The following HDAC4 variants were observed in gnomAD, a reference collection of about 807,000 sequenced individuals.
HDAC4 encodes the protein histone deacetylase A.
Under a neutral mutation model 135.1 loss-of-function variants are expected in HDAC4, and 16 were observed. The observed-to-expected ratio is 0.12, with a 90% CI of 0.08 to 0.18. The LOEUF (loss-of-function observed/expected upper bound fraction) is 0.18. Ranked by LOEUF, HDAC4 falls within the 10% of genes least tolerant of loss-of-function variation. The pLI is 1.00. For missense variants in HDAC4, 1,143 were observed against 1,511.8 expected (o/e 0.76, Z 4.05); for synonymous variants, 685 against 653.4 (o/e 1.05, Z -0.74).
At chr2:239,319,608 G>A (rs1401378392) in intron 2 of HDAC4, among the ~76,000 whole-genome samples, 1 of 152,194 alleles carries the variant, frequency 6.6e-6, no homozygotes, top group Admixed American at 6.5e-5. Flanking sequence ...AAAGACCCAA[G>A]TTTGCGTGTG....
At chr2:239,364,209 T>C (rs1694028105) in intron 1 of HDAC4, among the ~76,000 whole-genome samples, 1 of 152,164 alleles carries the variant, frequency 6.6e-6, no homozygotes. Flanking sequence ...CCGAGGCATC[T>C]ACCCAACAGA....
chr2:239,354,234 G>A (rs913450656), intron 1 of HDAC4, among the ~76,000 whole-genome samples: 3 of 152,136 alleles, frequency 2.0e-5, no homozygotes, highest in Non-Finnish European at 4.4e-5. Context: ...TACCTGGTAA[G>A]CTTCGTTTTG....
intron 2 of HDAC4, among the ~76,000 whole-genome samples, chr2:239,322,037 C>T (rs1451051871): frequency 6.6e-6 from 1 of 152,254 alleles, no homozygotes; most frequent in Non-Finnish European, 1.5e-5. Flanking sequence ...CTGCTCAAGA[C>T]TCCCACTTGC....
intron 3 of HDAC4, among the ~76,000 whole-genome samples, chr2:239,216,262 C>T (rs11124188): frequency 0.28 from 41,820 of 151,608 alleles, 5,907 homozygotes; most frequent in East Asian, 0.31. Flanking sequence ...AGTATTTATG[C>T]GGAAGATTCC....
intron 23 of HDAC4, 193 bp from the exon 24 acceptor site, chr2:239,067,048 A>T (rs1046560201): frequency 4.5e-6 from 3 of 671,330 alleles, no homozygotes; most frequent in Non-Finnish European, 7.9e-6. Flanking sequence ...GTTTGAGAGG[A>T]GGAATTATGG....
intron 22 of HDAC4, among the ~76,000 whole-genome samples, chr2:239,071,756 G>A (rs1366064744): frequency 6.6e-6 from 1 of 152,148 alleles, no homozygotes; most frequent in African/African-American, 2.4e-5. Context: ...CGAAAGCTCT[G>A]CTCCTGTCGG....
At chr2:239,314,975 A>C (rs2053056172) in intron 2 of HDAC4, among the ~76,000 whole-genome samples, 1 of 152,142 alleles carries the variant, frequency 6.6e-6, no homozygotes, top group African/African-American at 2.4e-5. Flanking sequence ...CAGACTCTTT[A>C]AGTCTGATGA....
At chr2:239,385,168 G>T (rs959418255) in intron 1 of HDAC4, among the ~76,000 whole-genome samples, 3 of 152,132 alleles carry the variant, frequency 2.0e-5, no homozygotes, top group African/African-American at 7.2e-5. Context: ...TGACTGCTTT[G>T]CGTGGAGGCC....
At chr2:239,256,977 T>C (rs562283727) in intron 2 of HDAC4, among the ~76,000 whole-genome samples, 4 of 152,372 alleles carry the variant, frequency 2.6e-5, no homozygotes, top group Middle Eastern at 3.4e-3. Context: ...TATTTTCAGA[T>C]GTCCCTCAAC....
intron 2 of HDAC4, among the ~76,000 whole-genome samples, chr2:239,273,843 G>C (rs1413561394): frequency 6.6e-6 from 1 of 152,182 alleles, no homozygotes; most frequent in Non-Finnish European, 1.5e-5. Context: ...TAGAACCCAC[G>C]AACCTTACTT....
intron 22 of HDAC4, 65 bp downstream of exon 22, chr2:239,081,030 T>C (rs185690800): frequency 7.9e-7 from 1 of 1,262,452 alleles, no homozygotes; most frequent in African/African-American, 1.5e-5. Context: ...AACAAGTGCT[T>C]CCTGGAATGT....
rs1337035036 is a variant in HDAC4 at position 239,141,718 on chromosome 2, G to A, written c.866-1922C>T. On this transcript the variant is annotated intron_variant, in intron 8 of 26. Coordinates refer to ENST00000543185, the MANE Select transcript of HDAC4 (RefSeq NM_001378414.1). The surrounding 1 kb of genome is among the most constrained non-coding windows in gnomAD (Gnocchi z 4.9). ...GATCCAGCAGATCTTCCCTGTAATG[G>A]GTGCCTCCCAGCTGTGTCGTCAGAT... 6.6e-6 allele frequency among the ~76,000 whole-genome samples: 1 copy of A among 152,116 alleles called. No individual in the cohort carries two copies. The highest frequency in any genetic ancestry group is 1.5e-5 in the Non-Finnish European group (1 of 68,048).
At chr2:239,207,531 T>C (rs1559226777) in intron 3 of HDAC4, among the ~76,000 whole-genome samples, 1 of 152,148 alleles carries the variant, frequency 6.6e-6, no homozygotes, top group Non-Finnish European at 1.5e-5. Flanking sequence ...TAAAAAACAT[T>C]AGGAGTTTAA....
chr2:239,129,273 T>G (rs1284105342), intron 11 of HDAC4, among the ~76,000 whole-genome samples: 1 of 152,224 alleles, frequency 6.6e-6, no homozygotes, highest in Non-Finnish European at 1.5e-5. Context: ...CAATGCTATT[T>G]GCTGGCAGGG....
chr2:239,151,642 C>T (rs1156934648), intron 7 of HDAC4, among the ~76,000 whole-genome samples: 3 of 152,198 alleles, frequency 2.0e-5, no homozygotes, highest in African/African-American at 4.8e-5. Context: ...AATTCGGTCC[C>T]TAGGACCAGC....
intron 17 of HDAC4, chr2:239,093,950 C>A: frequency 1.0e-6 from 1 of 985,214 alleles, no homozygotes; most frequent in Non-Finnish European, 1.2e-6. Flanking sequence ...GAATAAATGC[C>A]GTTTATTCTC....
chr2:239,084,026 T>C (rs2035616295), intron 20 of HDAC4, 129 bp downstream of exon 20: 1 of 731,886 alleles, frequency 1.4e-6, no homozygotes, highest in East Asian at 2.7e-5. Context: ...CTCCGCATCT[T>C]TGAGACCGTT....
rs555696740 is a variant in HDAC4 at position 239,262,724 on chromosome 2, C to G, written c.23-26060G>C. ...AGGGTGCACACGGCTGAAGGCGCAA[C>G]GGGCACAGGGCATTCTGTGGGCCAC... On this transcript the variant is annotated intron_variant, in intron 2 of 26. Transcript: ENST00000543185. The surrounding 1 kb of genome is among the most constrained non-coding windows in gnomAD (Gnocchi z 4.1). Among the ~76,000 whole-genome samples, 1 of 152,206 alleles carries G rather than the reference C, an allele frequency of 6.6e-6. No homozygotes were observed. Among genetic ancestry groups the G allele is most frequent in the East Asian group, 1.9e-4 (1 of 5,182 alleles).
chr2:239,320,445 G>C (rs1336342725), intron 2 of HDAC4, among the ~76,000 whole-genome samples: 1 of 147,904 alleles, frequency 6.8e-6, no homozygotes, highest in East Asian at 2.0e-4. Flanking sequence ...AGGAATTATA[G>C]AGAATGGAAT....
Sources: allele counts gnomAD v4.1 joint callset (sites outside exome capture counted in the v4.1 genomes callset), GRCh38; gene constraint gnomAD v4.1.1; non-coding constraint Gnocchi (gnomAD v3.1); transcripts MANE v1.5; gene names NCBI Gene and HGNC (gene_info 2026-07-23, HGNC 2026-07-21).